The following CIT variants were observed in gnomAD, a reference collection of about 807,000 sequenced individuals.
CIT encodes the protein citron Rho-interacting kinase.
Under a neutral mutation model 272.7 loss-of-function variants are expected in CIT, and 79 were observed. The observed-to-expected ratio is 0.29, with a 90% CI of 0.24 to 0.35. The LOEUF (loss-of-function observed/expected upper bound fraction) is 0.35. Ranked by LOEUF, CIT falls within the 10% of genes least tolerant of loss-of-function variation. CIT has a pLI of 1.00. For missense variants in CIT, 1,909 were observed against 2,618.3 expected, an observed-to-expected ratio of 0.73 and a Z score of 5.91; for synonymous variants, 948 against 995.6, an observed-to-expected ratio of 0.95 and a Z score of 0.90.
chr12:119,760,186 CAAAAAAAA>C (rs556831232), intron 20 of CIT, among the ~76,000 whole-genome samples: 4 of 63,036 alleles, frequency 6.3e-5, no homozygotes, highest in African/African-American at 2.3e-4. Context: ...GATTCCATCT[CAAAAAAAA>C]AAAAAAAAAA....
chr12:119,835,925 C>T (rs942283658), intron 5 of CIT, among the ~76,000 whole-genome samples: 1 of 152,090 alleles, frequency 6.6e-6, no homozygotes, highest in Non-Finnish European at 1.5e-5. Context: ...CAACAGCAGA[C>T]ATTAAGCCAG....
At chr12:119,875,082 C>G (rs183813352) in intron 2 of CIT, among the ~76,000 whole-genome samples, 1 of 152,300 alleles carries the variant, frequency 6.6e-6, no homozygotes, top group East Asian at 1.9e-4. Flanking sequence ...ACAAGTAGAT[C>G]ACTTGAGCCC....
chr12:119,828,589 AG>A (rs201353174), intron 7 of CIT, among the ~76,000 whole-genome samples: 4,155 of 151,638 alleles, frequency 0.027, 77 homozygotes, highest in Non-Finnish European at 0.042. Flanking sequence ...TTTTTTTTAA[AG>A]ACTGCTCTGT....
At chr12:119,848,479 T>A (rs867580865) in intron 5 of CIT, among the ~76,000 whole-genome samples, 30 of 152,216 alleles carry the variant, frequency 2.0e-4, no homozygotes, top group African/African-American at 6.3e-4. Flanking sequence ...ATACACTTGT[T>A]AAATTTAGGA....
In CIT at chr12:119,718,326, G is replaced by A. The variant is rs540727841; in HGVS notation, c.4087C>T (p.Arg1363Trp). 1.8e-5 allele frequency: 29 copies of A among 1,614,044 alleles called. No homozygotes were observed. Among genetic ancestry groups the A allele is most frequent in the East Asian group, 1.1e-4 (5 of 44,876 alleles). The change falls in exon 32 of 48, where the codon CGG becomes TGG. Residue 1363 changes from arginine (R) to tryptophan (W), a missense_variant. This residue lies in a region of CIT where 780 missense variants were observed against 1,067.2 expected (regional missense o/e 0.73). Transcript: ENST00000392521. This position sits in a 1 kb window ranked among gnomAD's most constrained non-coding sequence, Gnocchi z 4.8. Reference protein sequence around the residue: ...RQQIAMSAIVRSPEHQPSAMS... With the variant: ...RQQIAMSAIVWSPEHQPSAMS... ...GCACTGGGCTGGTGCTCTGGCGACC[G>A]CACGATGGCGGACATGGCGATCTGC...
Position 119,689,885 on chromosome 12 carries a change from T to C in CIT, c.6186+266A>G, listed in dbSNP as rs375263487. ...TCGTAGAGACGGGGTTTCACCACATTAGCCAGGATGGTCTCGATTTCCTGA... is the reference window on the plus strand; with the variant it reads ...TCGTAGAGACGGGGTTTCACCACATCAGCCAGGATGGTCTCGATTTCCTGA... On this transcript the variant is annotated intron_variant, in intron 47 of 47. Transcript: ENST00000392521. Among the ~76,000 whole-genome samples, 3 of 151,938 alleles carry C rather than the reference T, an allele frequency of 2.0e-5. No homozygotes were observed. The East Asian group carries it at 5.8e-4, about 29-fold the overall frequency.
chr12:119,713,068 T>C lies in CIT; in HGVS notation c.4579+135A>G. 2.8e-6 allele frequency: 2 copies of C among 713,320 alleles called. No individual in the cohort carries two copies. Among genetic ancestry groups the C allele is most frequent in the African/African-American group, 1.8e-5 (1 of 56,448 alleles). 44.2% of individuals were successfully genotyped at this position (713,320 alleles called of 1,614,324 possible). A position where few individuals can be genotyped will look rare whatever the true frequency, so the allele number is the denominator to read the frequency against. On this transcript the variant is annotated intron_variant, in intron 35 of 47. Coordinates refer to ENST00000392521, the MANE Select transcript of CIT (RefSeq NM_001206999.2). The surrounding 1 kb of genome is among the most constrained non-coding windows in gnomAD (Gnocchi z 5.2). ...CACCAATAACCTTTAGAGAAGTCAT[T>C]TGGTTTGTAAGTTTCAAAAATGGAA...
intron 26 of CIT, 104 bp downstream of exon 26, chr12:119,734,060 A>G (rs1958620433): frequency 7.8e-7 from 1 of 1,279,428 alleles, no homozygotes; most frequent in Non-Finnish European, 1.1e-6. Flanking sequence ...GACCCAGGAA[A>G]CTTCTCAGTC....
chr12:119,779,871 G>A (rs1964124656), intron 13 of CIT, among the ~76,000 whole-genome samples: 1 of 152,172 alleles, frequency 6.6e-6, no homozygotes, highest in Admixed American at 6.5e-5. Context: ...GATACTTCAA[G>A]GAAATCCTAT....
chr12:119,801,029 C>T (rs1189425090), intron 10 of CIT, among the ~76,000 whole-genome samples: 1 of 152,180 alleles, frequency 6.6e-6, no homozygotes, highest in Admixed American at 6.5e-5. Context: ...ATTCCAACCC[C>T]GTTGCCAAGC....
Position 119,712,948 on chromosome 12 carries a change from A to C in CIT, c.4580-253T>G. 1 of 580,974 alleles carries C rather than the reference A, an allele frequency of 1.7e-6. No homozygotes were observed. The allele number at this position is 580,974 out of a possible 1,614,324, so 36.0% of individuals were successfully genotyped here. On this transcript the variant is annotated intron_variant, in intron 35 of 47. Coordinates refer to ENST00000392521, the MANE Select transcript of CIT (RefSeq NM_001206999.2). This position sits in a 1 kb window ranked among gnomAD's most constrained non-coding sequence, Gnocchi z 5.2. The stretch of plus-strand genomic sequence containing the variant: ...TGCGGATTTATGGGTTAGTTGACTG[A>C]GGCAGAAGTTCTCGGAAGGTGTATT...
chr12:119,739,368 A>G (rs74393177), intron 24 of CIT, among the ~76,000 whole-genome samples: 1,645 of 152,256 alleles, frequency 0.011, 28 homozygotes, highest in African/African-American at 0.037. Context: ...TGAAAGCTGA[A>G]GAGAGCTCCT....
At chr12:119,793,749 T>C (rs1310794095) in intron 10 of CIT, among the ~76,000 whole-genome samples, 1 of 152,260 alleles carries the variant, frequency 6.6e-6, no homozygotes, top group Non-Finnish European at 1.5e-5. Flanking sequence ...AAGAATGCAC[T>C]CTGTGTGGGC....
At chr12:119,809,297 T>C (rs1966768847) in intron 9 of CIT, among the ~76,000 whole-genome samples, 1 of 152,126 alleles carries the variant, frequency 6.6e-6, no homozygotes, top group East Asian at 1.9e-4. Flanking sequence ...AGGCTAGTGC[T>C]AGAAACTCTA....
chr12:119,758,421 A>G (rs956529676), intron 21 of CIT, among the ~76,000 whole-genome samples, 170 bp downstream of exon 21: 14 of 152,206 alleles, frequency 9.2e-5, no homozygotes, highest in Admixed American at 2.6e-4. Context: ...AAAGTGGCAG[A>G]GTGAGACCAC....
rs1363261644 is a variant in CIT, at chr12:119,876,126, C to T, written c.43G>A (p.Gly15Ser). 1 of 1,614,046 alleles carries T rather than the reference C, an allele frequency of 6.2e-7. No homozygotes were observed. Among genetic ancestry groups the T allele is most frequent in the East Asian group, 2.2e-5 (1 of 44,872 alleles). The part of the protein sequence containing the change: ...KYGARNPLDA[G>S]AAEPIASRAS... ...CGGCTGGCAATGGGTTCAGCAGCAC[C>T]AGCATCCAAAGGATTCCGCGCTCCA... is the stretch of plus-strand genomic sequence containing the variant. Residue 15 changes from glycine (G) to serine (S), a missense_variant, in exon 2 of 48, where the codon GGT becomes AGT. Gly to Ser is a moderately conservative substitution (Grantham distance 56, BLOSUM62 0). Transcript: ENST00000392521.
intron 23 of CIT, among the ~76,000 whole-genome samples, chr12:119,745,209 A>T (rs533662811): frequency 1.1e-3 from 140 of 132,474 alleles, no homozygotes; most frequent in African/African-American, 4.1e-3. Flanking sequence ...AGAAAATCTT[A>T]AAAAAAAAAA....
chr12:119,698,504 C>A (rs1029902613), intron 44 of CIT, among the ~76,000 whole-genome samples: 5 of 151,352 alleles, frequency 3.3e-5, no homozygotes, highest in Non-Finnish European at 4.4e-5. Flanking sequence ...GCGGGAGAAT[C>A]ACTTGAACCC....
At chr12:119,854,716 C>T (rs955280970) in intron 4 of CIT, among the ~76,000 whole-genome samples, 1 of 149,736 alleles carries the variant, frequency 6.7e-6, no homozygotes, top group Non-Finnish European at 1.5e-5. Context: ...TTTGGGAGGC[C>T]GAGGCAGGCA....
Sources: gnomAD v4.1 joint callset for allele counts (sites outside exome capture counted in the v4.1 genomes callset) on GRCh38, gnomAD v4.1.1 for gene constraint, gnomAD v4.1.1 regional missense constraint, Gnocchi (gnomAD v3.1) non-coding constraint, MANE v1.5 for transcripts, NCBI Gene and HGNC (gene_info 2026-07-23, HGNC 2026-07-21) for gene names.